VCL: variants seen among roughly 807,000 people sequenced by gnomAD.
VCL encodes vinculin.
Under a neutral mutation model 125.7 loss-of-function variants are expected in VCL, and 47 were observed. That is an observed-to-expected ratio of 0.37 (90% CI 0.30 to 0.48). VCL has a LOEUF of 0.48. Among genes scored for constraint, VCL ranks in the 20% least tolerant of loss-of-function variants. VCL has a pLI of 0.99. For missense variants in VCL, 1,069 were observed against 1,455.5 expected (o/e 0.73, Z 4.32); for synonymous variants, 458 against 514.6 (o/e 0.89, Z 1.49).
At chr10:74,072,468 C>T (rs1384109123) in intron 4 of VCL, among the ~76,000 whole-genome samples, 3 of 151,954 alleles carry the variant, frequency 2.0e-5, no homozygotes, top group Non-Finnish European at 4.4e-5. Context: ...TATATTTATT[C>T]ATTTAGATGT....
chr10:74,090,947 C>T (rs12258268), intron 10 of VCL, among the ~76,000 whole-genome samples: 7,386 of 151,962 alleles, frequency 0.049, 563 homozygotes, highest in African/African-American at 0.16. Context: ...ACTACAGGCA[C>T]GTGCCACCAT....
rs538142998 is a variant in VCL at position 74,105,337 on chromosome 10, A to G, written c.2418A>G (p.Gly806=). Reference sequence around the variant, plus strand: ...TGATGGATGCAAAAGCTGTGGCTGGAAACATTTCCGACCCTGGTAAGCAAT... The same window carrying G: ...TGATGGATGCAAAAGCTGTGGCTGGGAACATTTCCGACCCTGGTAAGCAAT... ...PMVMDAKAVA[G]NISDPGLQKS... Residue 806 remains glycine (G), a synonymous_variant, in exon 16 of 22, where the codon GGA becomes GGG. Transcript: ENST00000211998. 6 of 1,612,344 alleles carry G rather than the reference A, an allele frequency of 3.7e-6. No homozygotes were observed. The African/African-American group carries it at 6.7e-5, about 18-fold the overall frequency.
At position 74,089,965 on chromosome 10, in the gene VCL, A is replaced by T. The variant is rs570691518; in HGVS notation, c.1177-58A>T. 393 of 1,600,942 alleles carry T rather than the reference A, an allele frequency of 2.5e-4. 2 individuals carry two copies. The East Asian group carries it at 4.2e-3, about 17-fold the overall frequency. ...TCCTTCTTCTGGCCTTGTTAAGTTT[A>T]GTAGAAAGGAGTGTGTGAGTAGATC... is the stretch of plus-strand genomic sequence containing the variant. On this transcript the variant is annotated intron_variant, in intron 9 of 21. Transcript: ENST00000211998.
rs1840149127 is a variant in VCL at position 74,107,210 on chromosome 10, T to G, written c.2435-20T>G. ...GGGCACTGACCCACCCAGCTGAAAGTGAGGATGTCTTGTGTTTAGGACTGC... is the reference window on the plus strand; with the variant it reads ...GGGCACTGACCCACCCAGCTGAAAGGGAGGATGTCTTGTGTTTAGGACTGC... On this transcript the variant is annotated intron_variant, in intron 16 of 21. Coordinates refer to ENST00000211998, the MANE Select transcript of VCL (RefSeq NM_014000.3). 2 of 1,613,924 alleles carry G rather than the reference T, an allele frequency of 1.2e-6. No homozygotes were observed. Among genetic ancestry groups the G allele is most frequent in the South Asian group, 2.2e-5 (2 of 91,072 alleles).
intron 12 of VCL, among the ~76,000 whole-genome samples, chr10:74,096,415 A>G (rs948554190): frequency 1.3e-5 from 2 of 152,164 alleles, no homozygotes; most frequent in African/African-American, 4.8e-5. Flanking sequence ...TGGGTTTGAT[A>G]AGCTAGTTGT....
At chr10:74,032,064 CAAAAAAAAAAAAAA>C (rs35715975) in intron 1 of VCL, among the ~76,000 whole-genome samples, 3 of 21,032 alleles carry the variant, frequency 1.4e-4, no homozygotes, top group Non-Finnish European at 2.3e-4. Context: ...AACTCCATCT[CAAAAAAAAAAAAAA>C]AAAAAAAAAA....
chr10:74,084,589 AT>A (rs1839737254), intron 8 of VCL, among the ~76,000 whole-genome samples: 1 of 150,706 alleles, frequency 6.6e-6, no homozygotes. Flanking sequence ...GACCTGCCAA[AT>A]TTTTTCTTTT....
chr10:74,069,138 A>G (rs1841621106), intron 2 of VCL, among the ~76,000 whole-genome samples: 1 of 151,586 alleles, frequency 6.6e-6, no homozygotes, highest in African/African-American at 2.4e-5. Flanking sequence ...GCTCACTGCA[A>G]CCTCCACCTC....
chr10:74,072,802 T>C lies in VCL; in HGVS notation c.572T>C (p.Leu191Ser), dbSNP rs1215944445. Residue 191 changes from leucine (L) to serine (S), a missense_variant, in exon 5 of 22, where the codon TTG (leucine) becomes TCG (serine). Leu to Ser is a moderately radical substitution (Grantham distance 145). This residue lies in a region of VCL where 760 missense variants were observed against 928.9 expected (regional missense o/e 0.82). Coordinates refer to ENST00000211998, the MANE Select transcript of VCL (RefSeq NM_014000.3). ...ELTHQEHRVMLVNSMNTVKEL... is the reference protein window; with the variant it reads ...ELTHQEHRVMSVNSMNTVKEL... ...ACTCACCAGGAGCACCGAGTGATGT[T>C]GGTGAACTCGATGAACACCGTGAAA... 1.9e-6 allele frequency: 3 copies of C among 1,614,088 alleles called. No individual in the cohort carries two copies. The highest frequency in any genetic ancestry group is 4.5e-5 in the East Asian group (2 of 44,896).
intron 16 of VCL, 135 bp from the exon 17 acceptor site, chr10:74,107,095 C>T: frequency 6.9e-7 from 1 of 1,441,036 alleles, no homozygotes; most frequent in South Asian, 1.2e-5. Flanking sequence ...CTCCCCCCTT[C>T]TTCAATCACT....
chr10:74,038,610 G>C (rs937431734), intron 1 of VCL, among the ~76,000 whole-genome samples: 1 of 152,126 alleles, frequency 6.6e-6, no homozygotes, highest in African/African-American at 2.4e-5. Flanking sequence ...TATCACTTAA[G>C]TATTCAAAAA....
chr10:74,112,948 C>T (rs1840252290), intron 19 of VCL, among the ~76,000 whole-genome samples: 1 of 152,158 alleles, frequency 6.6e-6, no homozygotes, highest in African/African-American at 2.4e-5. Flanking sequence ...ACCCAGAGGA[C>T]CTTGTCTAAC....
intron 6 of VCL, chr10:74,077,775 G>A (rs1294591566): frequency 8.8e-6 from 4 of 453,782 alleles, no homozygotes; most frequent in Middle Eastern, 3.2e-4. Flanking sequence ...CTTGGTAAAA[G>A]TGCGTCTTGC....
chr10:74,094,562 CT>C, intron 11 of VCL, 101 bp downstream of exon 11: 1 of 1,361,798 alleles, frequency 7.3e-7, no homozygotes, highest in Non-Finnish European at 1.0e-6. Context: ...GGTAAGGGTT[CT>C]TTAGCTGCTG....
At chr10:74,043,924 A>G (rs1841145815) in intron 2 of VCL, among the ~76,000 whole-genome samples, 1 of 151,796 alleles carries the variant, frequency 6.6e-6, no homozygotes, top group African/African-American at 2.4e-5. Flanking sequence ...CCTGGCTAAC[A>G]TGGTGAAACC....
intron 1 of VCL, among the ~76,000 whole-genome samples, chr10:74,029,858 A>G (rs1235325158): frequency 1.3e-5 from 2 of 152,080 alleles, no homozygotes; most frequent in African/African-American, 4.8e-5. Context: ...AGTTGATTTA[A>G]AAAAAATACT....
At chr10:74,051,595 A>T (rs1277460950) in intron 2 of VCL, among the ~76,000 whole-genome samples, 1 of 152,228 alleles carries the variant, frequency 6.6e-6, no homozygotes, top group Non-Finnish European at 1.5e-5. Flanking sequence ...CAGAGGTAGG[A>T]TTCTAACCCT....
intron 10 of VCL, among the ~76,000 whole-genome samples, chr10:74,091,707 T>C (rs1839887660): frequency 7.2e-6 from 1 of 138,104 alleles, no homozygotes; most frequent in East Asian, 2.2e-4. Flanking sequence ...GAGAATAGCT[T>C]GAACCCAGGA....
intron 8 of VCL, among the ~76,000 whole-genome samples, chr10:74,086,093 C>T (rs910756626): frequency 3.9e-5 from 6 of 152,162 alleles, no homozygotes; most frequent in African/African-American, 9.7e-5. Context: ...TCTTGAACTC[C>T]TGACCTCAGG....
Sources: allele counts gnomAD v4.1 joint callset (sites outside exome capture counted in the v4.1 genomes callset), GRCh38; gene constraint gnomAD v4.1.1; regional missense constraint gnomAD v4.1.1; transcripts MANE v1.5; gene names NCBI Gene and HGNC (gene_info 2026-07-23, HGNC 2026-07-21).